Variants in AAK1 observed in about 807,000 individuals in gnomAD.
AAK1 encodes AP2-associated protein kinase 1.
In AAK1, 37 loss-of-function variants were observed where a neutral mutation model predicts 116.0. The ratio of observed to expected loss-of-function variants is 0.32; its 90% CI spans 0.25 to 0.42. The LOEUF is 0.42. Among genes scored for constraint, AAK1 ranks in the 10% least tolerant of loss-of-function variants. The pLI, the probability that AAK1 is intolerant of heterozygous loss-of-function variation, is 1.00. For missense variants in AAK1, 919 were observed against 1,170.6 expected (o/e 0.79, Z 3.14); for synonymous variants, 458 against 439.9 (o/e 1.04, Z -0.51).
At chr2:69,580,642 C>T (rs906574513) in intron 2 of AAK1, among the ~76,000 whole-genome samples, 7 of 152,202 alleles carry the variant, frequency 4.6e-5, no homozygotes, top group Non-Finnish European at 8.8e-5. Context: ...CCGTTAGAAA[C>T]ACCCACCAAC....
In AAK1 at chr2:69,465,599, C is replaced by G; in HGVS notation, c.*10270G>C. On this transcript the variant is annotated 3_prime_UTR_variant, in exon 22 of 22. Transcript: ENST00000409085. ...CAATGGGCTGGGCTTCTGGACTTGGCTCGTCTTCTGGGCTATAGTGACGGG... is the reference window on the plus strand; with the variant it reads ...CAATGGGCTGGGCTTCTGGACTTGGGTCGTCTTCTGGGCTATAGTGACGGG... The G allele has an allele frequency of 7.7e-7, 1 of 1,290,970 alleles. No individual in the cohort carries two copies. Among genetic ancestry groups the G allele is most frequent in the South Asian group, 1.2e-5 (1 of 81,032 alleles). The allele number at this position is 1,290,970 out of a possible 1,614,324, so 80.0% of individuals were successfully genotyped here.
chr2:69,630,644 C>T (rs965487770), intron 2 of AAK1, among the ~76,000 whole-genome samples: 1 of 152,198 alleles, frequency 6.6e-6, no homozygotes, highest in Non-Finnish European at 1.5e-5. Context: ...TTCCTAACAT[C>T]ACAGGGACAT....
In AAK1 at chr2:69,564,683, AC is replaced by A. The variant is rs1442667326; in HGVS notation, c.164-7706del. Among the ~76,000 whole-genome samples, 10 of 152,298 alleles carry A rather than the reference AC, an allele frequency of 6.6e-5. No homozygotes were observed. The East Asian group carries it at 1.9e-3, about 29-fold the overall frequency. On this transcript the variant is annotated intron_variant, in intron 2 of 21. Coordinates refer to ENST00000409085, the MANE Select transcript of AAK1 (RefSeq NM_014911.5). Reference sequence around the variant, plus strand: ...GTTCGAATCCTGGCTCAGGTAAGCTACAATTTCCCTGAGGCTGTCCTCTTAC... The same window carrying A: ...GTTCGAATCCTGGCTCAGGTAAGCTAAATTTCCCTGAGGCTGTCCTCTTAC...
chr2:69,510,277 T>A (rs907707320), intron 13 of AAK1, among the ~76,000 whole-genome samples: 1 of 152,186 alleles, frequency 6.6e-6, no homozygotes, highest in Non-Finnish European at 1.5e-5. Context: ...GTAGCTCTCA[T>A]TTGTAAGTGA....
chr2:69,629,129 T>A (rs77151641), intron 2 of AAK1, among the ~76,000 whole-genome samples: 2,517 of 152,330 alleles, frequency 0.017, 76 homozygotes, highest in African/African-American at 0.056. Flanking sequence ...TCTTTGAGGT[T>A]CTCTCCTTTT....
intron 3 of AAK1, among the ~76,000 whole-genome samples, chr2:69,555,669 C>A (rs923853817): frequency 2.6e-5 from 4 of 152,130 alleles, no homozygotes; most frequent in Non-Finnish European, 4.4e-5. Context: ...TCATGTCAAG[C>A]AGTATGTTGG....
In AAK1 at chr2:69,475,916, T is replaced by G. The variant is rs1314430607; in HGVS notation, c.2839A>C (p.Asn947His). Reference protein sequence around the residue: ...SSGSSESSLPNLARSLLLVDQ... With the variant: ...SSGSSESSLPHLARSLLLVDQ... ...ACCAGCAGTAAAGACCTGGCTAGGT[T>G]GGGAAGACTGGACTCAGAGCTCCCA... is the stretch of plus-strand genomic sequence containing the variant. Residue 947 changes from asparagine to histidine, a missense_variant, in exon 22 of 22, where the codon AAC becomes CAC. Asn to His is a moderately conservative substitution (Grantham distance 68, BLOSUM62 1). Coordinates refer to ENST00000409085, the MANE Select transcript of AAK1 (RefSeq NM_014911.5). 1 of 1,612,534 alleles carries G rather than the reference T, an allele frequency of 6.2e-7. No homozygotes were observed. The highest frequency in any genetic ancestry group is 1.3e-5 in the African/African-American group (1 of 74,888).
chr2:69,632,849 C>T (rs896333480), intron 2 of AAK1, among the ~76,000 whole-genome samples: 39 of 151,058 alleles, frequency 2.6e-4, no homozygotes, highest in Admixed American at 2.5e-3. Flanking sequence ...CTGGCTATCA[C>T]GGTGAAACCC....
At position 69,475,177 on chromosome 2, in the gene AAK1, T is replaced by C. The variant is rs1674807928; in HGVS notation, c.*692A>G. On this transcript the variant is annotated 3_prime_UTR_variant, in exon 22 of 22. Transcript: ENST00000409085. ...CCAGATCTGAGAAATCACGGTTCAA[T>C]GGAAGCCAGAAAGCTGGACGAATGC... 5.1e-6 allele frequency: 5 copies of C among 985,920 alleles called. No homozygotes were observed. Among genetic ancestry groups the C allele is most frequent in the African/African-American group, 1.7e-5 (1 of 57,366 alleles). 61.1% of individuals were successfully genotyped at this position (985,920 alleles called of 1,614,324 possible).
chr2:69,515,843 A>G (rs2104985212), intron 12 of AAK1, among the ~76,000 whole-genome samples: 1 of 152,330 alleles, frequency 6.6e-6, no homozygotes, highest in East Asian at 1.9e-4. Flanking sequence ...GATGTCAAAA[A>G]AAAAAAATAG....
chr2:69,542,279 CA>C (rs1670754987), intron 5 of AAK1, among the ~76,000 whole-genome samples: 1 of 152,176 alleles, frequency 6.6e-6, no homozygotes, highest in African/African-American at 2.4e-5. Flanking sequence ...TCAGGAAAAA[CA>C]AAAACAACAC....
intron 3 of AAK1, among the ~76,000 whole-genome samples, chr2:69,550,562 G>A (rs1282787977): frequency 3.3e-5 from 5 of 151,820 alleles, no homozygotes; most frequent in Non-Finnish European, 7.4e-5. Context: ...CAAAGTGCTG[G>A]GAGTATAGAC....
chr2:69,543,564 T>C (rs1670810044), intron 4 of AAK1, among the ~76,000 whole-genome samples: 2 of 152,174 alleles, frequency 1.3e-5, no homozygotes, highest in South Asian at 2.1e-4. Context: ...CGCACCACCA[T>C]GCCCAGCTAA....
intron 2 of AAK1, among the ~76,000 whole-genome samples, chr2:69,614,914 G>C (rs1170146407): frequency 6.6e-6 from 1 of 152,126 alleles, no homozygotes; most frequent in African/African-American, 2.4e-5. Flanking sequence ...GGCAAGAAAT[G>C]ATTCTCCCCT....
intron 12 of AAK1, among the ~76,000 whole-genome samples, chr2:69,517,271 A>G (rs2104989014): frequency 6.6e-6 from 1 of 152,280 alleles, no homozygotes; most frequent in Non-Finnish European, 1.5e-5. Flanking sequence ...GGGTAGCTAA[A>G]GAGCTGATGA....
intron 2 of AAK1, among the ~76,000 whole-genome samples, chr2:69,626,866 T>C (rs1674926594): frequency 6.6e-6 from 1 of 152,106 alleles, no homozygotes. Context: ...GATTCTACCG[T>C]CAATCATTCT....
chr2:69,607,746 A>G (rs1407154165), intron 2 of AAK1, among the ~76,000 whole-genome samples: 1 of 152,194 alleles, frequency 6.6e-6, no homozygotes, highest in African/African-American at 2.4e-5. Flanking sequence ...AACCCAATCA[A>G]TCAGGCCAGT....
At chr2:69,546,466 G>C (rs1437571212) in intron 3 of AAK1, among the ~76,000 whole-genome samples, 2 of 152,084 alleles carry the variant, frequency 1.3e-5, no homozygotes, top group African/African-American at 2.4e-5. Flanking sequence ...CCTGAAAGTA[G>C]GAAGAACTGG....
At chr2:69,610,797 A>C (rs1160992928) in intron 2 of AAK1, among the ~76,000 whole-genome samples, 1 of 152,230 alleles carries the variant, frequency 6.6e-6, no homozygotes, top group Admixed American at 6.5e-5. Flanking sequence ...GGGAAATGTA[A>C]ATCAAACAAC....
Sources: gnomAD v4.1 joint callset for allele counts (sites outside exome capture counted in the v4.1 genomes callset) on GRCh38, gnomAD v4.1.1 for gene constraint, MANE v1.5 for transcripts, NCBI Gene and HGNC (gene_info 2026-07-23, HGNC 2026-07-21) for gene names.